Variants in ROR1 observed in about 807,000 individuals in gnomAD.
ROR1 encodes the protein inactive tyrosine-protein kinase transmembrane receptor ROR1.
In ROR1, 19 loss-of-function variants were observed where a neutral mutation model predicts 78.8. The ratio of observed to expected loss-of-function variants is 0.24; its 90% CI spans 0.17 to 0.35. ROR1 has a LOEUF of 0.35. Ranked by LOEUF, ROR1 falls within the 10% of genes least tolerant of loss-of-function variation. ROR1 has a pLI of 1.00. For synonymous variants in ROR1, 386 were observed against 433.6 expected (o/e 0.89, Z 1.36); for missense variants, 917 against 1,177.8 (o/e 0.78, Z 3.24).
At chr1:64,019,938 C>A (rs1557612217) in intron 2 of ROR1, among the ~76,000 whole-genome samples, 2 of 152,146 alleles carry the variant, frequency 1.3e-5, no homozygotes, top group Non-Finnish European at 2.9e-5. Flanking sequence ...TAAATGCCTA[C>A]AAGTGTCCTT....
chr1:63,809,275 A>G (rs915875029), intron 1 of ROR1, among the ~76,000 whole-genome samples: 4 of 152,216 alleles, frequency 2.6e-5, no homozygotes, highest in Non-Finnish European at 5.9e-5. Context: ...GAGGGAGATG[A>G]AGAGATAAAC....
chr1:64,031,324 G>A (rs1384770867), intron 2 of ROR1, among the ~76,000 whole-genome samples: 4 of 152,184 alleles, frequency 2.6e-5, no homozygotes, highest in Non-Finnish European at 4.4e-5. Flanking sequence ...AGTTGTCCAC[G>A]ACTGTAGAAG....
At chr1:64,046,515 A>T (rs1646786611) in intron 2 of ROR1, among the ~76,000 whole-genome samples, 1 of 152,142 alleles carries the variant, frequency 6.6e-6, no homozygotes, top group African/African-American at 2.4e-5. Context: ...TGTTGTTTTT[A>T]GATAGATATT....
chr1:63,913,704 A>T (rs183258954), intron 1 of ROR1, among the ~76,000 whole-genome samples: 3 of 151,876 alleles, frequency 2.0e-5, no homozygotes. Context: ...TTCTGTCATC[A>T]CCTCCCTTGC....
chr1:63,994,622 G>A lies in ROR1; in HGVS notation c.92-14683G>A, dbSNP rs888644911. Among the ~76,000 whole-genome samples, 3 of 152,182 alleles carry A rather than the reference G, an allele frequency of 2.0e-5. 1 individual carries two copies. The highest frequency in any genetic ancestry group is 7.2e-5 in the African/African-American group (3 of 41,448). On this transcript the variant is annotated intron_variant, in intron 1 of 8. Transcript: ENST00000371079. ...TCCTCCTAGTGGAATAGCTCACAGT[G>A]TGGGACGGTGACATGAACTTAAGGG... is the stretch of plus-strand genomic sequence containing the variant.
At chr1:64,058,471 A>G (rs921404089) in intron 4 of ROR1, among the ~76,000 whole-genome samples, 3 of 151,856 alleles carry the variant, frequency 2.0e-5, no homozygotes, top group Non-Finnish European at 4.4e-5. Context: ...GCGTTTTTCC[A>G]TAGATGCCAC....
chr1:64,056,116 A>T (rs550463412), intron 4 of ROR1, among the ~76,000 whole-genome samples: 7 of 152,208 alleles, frequency 4.6e-5, no homozygotes, highest in Admixed American at 4.6e-4. Flanking sequence ...CTTTTTGCTT[A>T]TTCTGAATAA....
intron 1 of ROR1, among the ~76,000 whole-genome samples, chr1:63,830,353 A>G (rs956688842): frequency 6.6e-6 from 1 of 152,226 alleles, no homozygotes; most frequent in Admixed American, 6.5e-5. Flanking sequence ...AGACTGGGTA[A>G]TTTATAAACA....
intron 8 of ROR1, among the ~76,000 whole-genome samples, chr1:64,160,313 TATCTAAAAA>T (rs1406362421): frequency 6.6e-6 from 1 of 150,860 alleles, no homozygotes; most frequent in African/African-American, 2.4e-5. Context: ...AAATTTTTTT[TATCTAAAAA>T]ATCTTGAAAA....
chr1:64,045,350 T>C (rs1380616506), intron 2 of ROR1, among the ~76,000 whole-genome samples: 3 of 152,148 alleles, frequency 2.0e-5, no homozygotes. Context: ...AATGCCACTT[T>C]TCTCACTATT....
intron 8 of ROR1, among the ~76,000 whole-genome samples, chr1:64,170,284 C>T (rs1244405715): frequency 6.6e-6 from 1 of 152,240 alleles, no homozygotes; most frequent in Non-Finnish European, 1.5e-5. Context: ...GATTCCCAAA[C>T]CTCAATTCTT....
chr1:64,072,652 A>G (rs1372201283), intron 4 of ROR1, among the ~76,000 whole-genome samples: 1 of 152,182 alleles, frequency 6.6e-6, no homozygotes, highest in Non-Finnish European at 1.5e-5. Flanking sequence ...ACGTCATCCT[A>G]GTAAAAATAA....
At chr1:64,158,243 C>G (rs1649832592) in intron 7 of ROR1, among the ~76,000 whole-genome samples, 1 of 152,114 alleles carries the variant, frequency 6.6e-6, no homozygotes, top group Non-Finnish European at 1.5e-5. Flanking sequence ...TCATATGAAA[C>G]CATTTAAGAA....
At chr1:63,966,249 A>C (rs920663496) in intron 1 of ROR1, among the ~76,000 whole-genome samples, 2 of 152,210 alleles carry the variant, frequency 1.3e-5, no homozygotes, top group Admixed American at 6.5e-5. Context: ...TCAGTTACTC[A>C]GAGCTGTCAA....
intron 4 of ROR1, among the ~76,000 whole-genome samples, chr1:64,093,521 A>G (rs1052784082): frequency 2.0e-5 from 3 of 152,116 alleles, no homozygotes; most frequent in Non-Finnish European, 2.9e-5. Flanking sequence ...GGTGGGAGGT[A>G]GGAGAAATTC....
At chr1:64,112,755 T>C (rs1316515211) in intron 4 of ROR1, among the ~76,000 whole-genome samples, 1 of 152,078 alleles carries the variant, frequency 6.6e-6, no homozygotes, top group African/African-American at 2.4e-5. Flanking sequence ...CCATCTAATC[T>C]CACCTGCATA....
intron 1 of ROR1, among the ~76,000 whole-genome samples, chr1:63,812,920 G>A (rs756910351): frequency 4.6e-5 from 7 of 152,106 alleles, no homozygotes; most frequent in Admixed American, 1.3e-4. Flanking sequence ...TGAGCACAGG[G>A]TCCAACTCCA....
rs142009411 is a variant in ROR1 at position 63,895,166 on chromosome 1, C to T, written c.92-114139C>T. Reference sequence around the variant, plus strand: ...TTGTAATCTCTCAAGATAGAGATGGCATTTAATGGCGGGATAGTTGGCCAA... The same window carrying T: ...TTGTAATCTCTCAAGATAGAGATGGTATTTAATGGCGGGATAGTTGGCCAA... On this transcript the variant is annotated intron_variant, in intron 1 of 8. Coordinates refer to ENST00000371079, the MANE Select transcript of ROR1 (RefSeq NM_005012.4). Among the ~76,000 whole-genome samples the T allele has an allele frequency of 1.3e-3, 193 of 152,296 alleles. 1 individual carries two copies. Among genetic ancestry groups the T allele is most frequent in the African/African-American group, 4.2e-3 (173 of 41,570 alleles).
At chr1:63,807,091 G>A (rs1021094347) in intron 1 of ROR1, among the ~76,000 whole-genome samples, 2 of 152,170 alleles carry the variant, frequency 1.3e-5, no homozygotes, top group Non-Finnish European at 2.9e-5. Flanking sequence ...ACTTTTGAGA[G>A]CATCTGACCC....
Sources: gnomAD v4.1 joint callset for allele counts (sites outside exome capture counted in the v4.1 genomes callset) on GRCh38, gnomAD v4.1.1 for gene constraint, MANE v1.5 for transcripts, NCBI Gene and HGNC (gene_info 2026-07-23, HGNC 2026-07-21) for gene names.